The following CEP350 variants were observed in gnomAD, a reference collection of about 807,000 sequenced individuals.
CEP350 encodes the protein centrosomal protein 350.
CEP350 carries 126 observed loss-of-function variants against 331.8 expected under a neutral mutation model. The observed-to-expected ratio is 0.38, with a 90% CI of 0.33 to 0.44. The LOEUF (loss-of-function observed/expected upper bound fraction) is 0.44, where lower values mean the gene tolerates loss of function less well. Ranked by LOEUF, CEP350 falls within the 20% of genes least tolerant of loss-of-function variation. The probability of loss-of-function intolerance (pLI) is 1.00; values close to 1 mark genes in which losing one functional copy is unlikely to be tolerated. For synonymous variants in CEP350, 1,200 were observed against 1,259.5 expected (o/e 0.95, Z 1.00); for missense variants, 3,406 against 3,634.6 (o/e 0.94, Z 1.62).
chr1:180,100,644 G>A (rs1460834745), intron 37 of CEP350, among the ~76,000 whole-genome samples: 1 of 152,208 alleles, frequency 6.6e-6, no homozygotes, highest in African/African-American at 2.4e-5. Context: ...ACACAAGTGT[G>A]TAAGTTATGC....
chr1:179,982,851 C>T (rs750940824), intron 1 of CEP350, among the ~76,000 whole-genome samples: 7 of 152,070 alleles, frequency 4.6e-5, no homozygotes, highest in East Asian at 1.9e-4. Flanking sequence ...AGTCTTGTGG[C>T]GCGATCTTGG....
intron 1 of CEP350, among the ~76,000 whole-genome samples, chr1:179,976,250 A>T (rs996749928): frequency 6.6e-6 from 1 of 151,994 alleles, no homozygotes; most frequent in Non-Finnish European, 1.5e-5. Context: ...ATAGCTTTTT[A>T]GACTATACTC....
intron 37 of CEP350, among the ~76,000 whole-genome samples, chr1:180,107,817 C>A (rs1044052851): frequency 8.3e-5 from 12 of 143,940 alleles, no homozygotes; most frequent in Non-Finnish European, 3.1e-5. Flanking sequence ...CCTGTCCCCT[C>A]CTCTGCTCCC....
intron 15 of CEP350, 100 bp downstream of exon 15, chr1:180,031,594 C>G: frequency 2.1e-6 from 1 of 479,012 alleles, no homozygotes; most frequent in African/African-American, 2.0e-5. Flanking sequence ...GTCCCCTTAA[C>G]TGTGCATGTC....
intron 24 of CEP350, 29 bp from the exon 25 acceptor site, chr1:180,054,386 T>C: frequency 6.7e-7 from 1 of 1,500,866 alleles, no homozygotes; most frequent in Non-Finnish European, 9.1e-7. Flanking sequence ...TAATCAAATC[T>C]TTGTCTCAAT....
rs1225442641 is a variant in CEP350 at position 180,022,860 on chromosome 1, T to C, written c.3386+12T>C. 6.4e-7 allele frequency: 1 copy of C among 1,566,108 alleles called. No individual in the cohort carries two copies. Among genetic ancestry groups the C allele is most frequent in the Admixed American group, 1.9e-5 (1 of 52,458 alleles). On this transcript the variant is annotated intron_variant, in intron 13 of 37. Coordinates refer to ENST00000367607, the MANE Select transcript of CEP350 (RefSeq NM_014810.5). ...ACTCTTGAACCTCAGTAAGATATAT[T>C]GGCAATATGGAATAAACTCTGAAGA... is the stretch of plus-strand genomic sequence containing the variant.
At position 180,090,833 on chromosome 1, in the gene CEP350, A is replaced by G. The variant is rs777047448; in HGVS notation, c.6508+37A>G. Reference sequence around the variant, plus strand: ...GAAAAAATAATTAACTTGTAGCTACATAGTCTAAGGATTTATGCAAAGGCC... The same window carrying G: ...GAAAAAATAATTAACTTGTAGCTACGTAGTCTAAGGATTTATGCAAAGGCC... On this transcript the variant is annotated intron_variant, in intron 33 of 37. Coordinates refer to ENST00000367607, the MANE Select transcript of CEP350 (RefSeq NM_014810.5). 38 of 1,507,708 alleles carry G rather than the reference A, an allele frequency of 2.5e-5. No individual in the cohort carries two copies. The Middle Eastern group carries it at 5.1e-4, about 20-fold the overall frequency. The allele number at this position is 1,507,708 out of a possible 1,614,324, so 93.4% of individuals were successfully genotyped here.
intron 16 of CEP350, among the ~76,000 whole-genome samples, chr1:180,036,317 G>A (rs1296513859): frequency 5.3e-5 from 8 of 152,176 alleles, no homozygotes; most frequent in Non-Finnish European, 1.2e-4. Flanking sequence ...TAAAGCAGTG[G>A]CAGGGTTTGA....
intron 25 of CEP350, among the ~76,000 whole-genome samples, chr1:180,058,384 A>G (rs1657985729): frequency 1.3e-5 from 2 of 152,218 alleles, no homozygotes; most frequent in South Asian, 4.1e-4. Context: ...ATCTTCATTT[A>G]TCAAAAACCA....
Position 180,093,086 on chromosome 1 carries a change from A to T in CEP350, c.6981A>T (p.Glu2327Asp). 6.2e-7 allele frequency: 1 copy of T among 1,604,878 alleles called. No homozygotes were observed. Among genetic ancestry groups the T allele is most frequent in the Non-Finnish European group, 8.5e-7 (1 of 1,174,968 alleles). ...LAIENLHKSE[E>D]MLKERQSDQD... ...TTGAAAATCTCCATAAAAGTGAGGA[A>T]ATGTTGAAAGAGAGACAGTCAGATC... The change falls in exon 34 of 38, where the codon GAA becomes GAT. Residue 2327 changes from glutamate to aspartate, a missense_variant. Physicochemically the swap from Glu to Asp is conservative, Grantham distance 45. Transcript: ENST00000367607.
At chr1:180,077,235 A>T (rs1279185960) in intron 28 of CEP350, among the ~76,000 whole-genome samples, 1 of 152,218 alleles carries the variant, frequency 6.6e-6, no homozygotes, top group African/African-American at 2.4e-5. Flanking sequence ...GCAAAAATTG[A>T]TTAGAAAAAT....
intron 27 of CEP350, among the ~76,000 whole-genome samples, chr1:180,068,354 A>C (rs1240876928): frequency 1.3e-5 from 2 of 152,170 alleles, no homozygotes; most frequent in Admixed American, 1.3e-4. Context: ...AGTATAGTAA[A>C]AAGCAAAAAA....
chr1:179,992,352 C>G, intron 5 of CEP350, 131 bp downstream of exon 5: 1 of 656,192 alleles, frequency 1.5e-6, no homozygotes, highest in East Asian at 3.5e-5. Context: ...AATATTACTA[C>G]CTTTTTCATT....
chr1:180,055,049 CTG>C (rs1657729788), intron 25 of CEP350, among the ~76,000 whole-genome samples: 1 of 152,146 alleles, frequency 6.6e-6, no homozygotes, highest in Non-Finnish European at 1.5e-5. Context: ...CTTAACTTCT[CTG>C]TGTCTCAGTT....
intron 7 of CEP350, among the ~76,000 whole-genome samples, chr1:180,005,076 T>C (rs1654167429): frequency 6.6e-6 from 1 of 150,848 alleles, no homozygotes; most frequent in Admixed American, 6.6e-5. Context: ...TATTTTTCTT[T>C]CTTTTTTTTT....
intron 4 of CEP350, among the ~76,000 whole-genome samples, chr1:179,991,707 G>GTGTGTGTGTGTATATA (rs1385981536): frequency 8.2e-5 from 8 of 96,976 alleles, no homozygotes; most frequent in South Asian, 4.0e-4. Context: ...GTGTGTGTGT[G>GTGTGTGTGTGTATATA]TATATATATA....
chr1:180,103,828 T>C (rs2149178718), intron 37 of CEP350, among the ~76,000 whole-genome samples: 1 of 151,850 alleles, frequency 6.6e-6, no homozygotes, highest in South Asian at 2.1e-4. Flanking sequence ...GTCATAGCGC[T>C]TGCCCCTCTT....
chr1:179,979,686 A>G (rs1446777246), intron 1 of CEP350, among the ~76,000 whole-genome samples: 2 of 151,904 alleles, frequency 1.3e-5, no homozygotes, highest in African/African-American at 4.8e-5. Context: ...TTGGGTTCTT[A>G]TATTTAAGTC....
intron 25 of CEP350, among the ~76,000 whole-genome samples, chr1:180,060,462 A>G (rs1460123577): frequency 1.3e-5 from 2 of 152,188 alleles, no homozygotes; most frequent in East Asian, 1.9e-4. Context: ...TCTAGGCAAC[A>G]TAGCAAGACC....
Sources: allele counts gnomAD v4.1 joint callset (sites outside exome capture counted in the v4.1 genomes callset), GRCh38; gene constraint gnomAD v4.1.1; transcripts MANE v1.5; gene names NCBI Gene and HGNC (gene_info 2026-07-23, HGNC 2026-07-21).